The following FAM135B variants were observed in gnomAD, a reference collection of about 807,000 sequenced individuals.
The protein encoded by FAM135B is family with sequence similarity 135 member B.
FAM135B carries 43 observed loss-of-function variants against 127.7 expected under a neutral mutation model. The ratio of observed to expected loss-of-function variants is 0.34; its 90% CI spans 0.26 to 0.43. FAM135B has a LOEUF of 0.43. FAM135B is among the 20% of genes least tolerant of loss of function. The pLI is 1.00. For missense variants in FAM135B, 1,558 were observed against 1,725.6 expected, an observed-to-expected ratio of 0.90 and a Z score of 1.72; for synonymous variants, 670 against 665.1, an observed-to-expected ratio of 1.01 and a Z score of -0.11.
At chr8:138,231,111 C>T (rs868489320) in intron 7 of FAM135B, among the ~76,000 whole-genome samples, 3 of 152,042 alleles carry the variant, frequency 2.0e-5, no homozygotes, top group Admixed American at 6.6e-5. Flanking sequence ...CTCACTGCAA[C>T]GGGGTTCAAG....
At chr8:138,221,212 T>TG in intron 7 of FAM135B, among the ~76,000 whole-genome samples, 1 of 152,302 alleles carries the variant, frequency 6.6e-6, no homozygotes, top group East Asian at 1.9e-4. Context: ...CTTCTGTTTC[T>TG]GGGGAAGCCT....
rs1318134575 is a variant in FAM135B at position 138,130,605 on chromosome 8, C to CATGAA, written c.*1983_*1987dup. 6.6e-6 allele frequency: 1 copy of CATGAA among 152,232 alleles called. No individual in the cohort carries two copies. The highest frequency in any genetic ancestry group is 1.5e-5 in the Non-Finnish European group (1 of 68,058). The allele number at this position is 152,232 out of a possible 1,614,324, so 9.4% of individuals were successfully genotyped here. A position where few individuals can be genotyped will look rare whatever the true frequency, so the allele number is the denominator to read the frequency against. On this transcript the variant is annotated 3_prime_UTR_variant, in exon 20 of 20. Coordinates refer to ENST00000395297, the MANE Select transcript of FAM135B (RefSeq NM_015912.4). ...TTGCTGATGAAAATTGGAAACACAA[C>CATGAA]ATGAAATGCACTCATCAGAGGGACA...
chr8:138,191,502 G>A (rs1282981113), intron 9 of FAM135B, among the ~76,000 whole-genome samples: 3 of 152,198 alleles, frequency 2.0e-5, no homozygotes, highest in East Asian at 1.9e-4. Context: ...GAGCTTCTAG[G>A]TGCCAGGAGC....
intron 1 of FAM135B, among the ~76,000 whole-genome samples, chr8:138,457,256 C>T (rs1466106838): frequency 6.6e-6 from 1 of 152,038 alleles, no homozygotes; most frequent in Non-Finnish European, 1.5e-5. Context: ...TGGCACCAGG[C>T]ATCTCCAACA....
At chr8:138,373,129 G>T (rs1331192948) in intron 1 of FAM135B, among the ~76,000 whole-genome samples, 1 of 152,098 alleles carries the variant, frequency 6.6e-6, no homozygotes, top group African/African-American at 2.4e-5. Context: ...GTTCAGATTT[G>T]ATTTCTGCCA....
intron 1 of FAM135B, among the ~76,000 whole-genome samples, chr8:138,455,528 T>G (rs961683929): frequency 4.6e-5 from 7 of 152,222 alleles, no homozygotes; most frequent in African/African-American, 7.2e-5. Context: ...TTACCTAATC[T>G]GATCCTTACA....
intron 2 of FAM135B, among the ~76,000 whole-genome samples, chr8:138,325,382 T>C (rs756126838): frequency 2.0e-5 from 3 of 152,164 alleles, no homozygotes; most frequent in Admixed American, 2.0e-4. Flanking sequence ...ATCTTTGTTT[T>C]GAAGAGCCAG....
chr8:138,314,057 G>A (rs552305087), intron 2 of FAM135B, among the ~76,000 whole-genome samples: 2 of 152,246 alleles, frequency 1.3e-5, no homozygotes, highest in East Asian at 3.9e-4. Flanking sequence ...CTAAAGGGCT[G>A]TCTAGTGTTC....
intron 7 of FAM135B, among the ~76,000 whole-genome samples, chr8:138,222,285 G>C (rs1819081449): frequency 1.3e-5 from 2 of 152,278 alleles, no homozygotes; most frequent in Admixed American, 1.3e-4. Flanking sequence ...ATGACAGAAA[G>C]GGGGTTGAAT....
chr8:138,301,258 A>G (rs1004131319), intron 3 of FAM135B, among the ~76,000 whole-genome samples: 3 of 152,152 alleles, frequency 2.0e-5, no homozygotes, highest in African/African-American at 7.2e-5. Flanking sequence ...CATGAGGATA[A>G]CTCAAATGCC....
chr8:138,389,973 G>A (rs1274667639), intron 1 of FAM135B, among the ~76,000 whole-genome samples: 1 of 152,110 alleles, frequency 6.6e-6, no homozygotes, highest in Non-Finnish European at 1.5e-5. Context: ...TATCTGCTTT[G>A]CACTTAATCA....
chr8:138,327,330 T>C (rs534081998), intron 2 of FAM135B, among the ~76,000 whole-genome samples: 87 of 152,314 alleles, frequency 5.7e-4, no homozygotes, highest in African/African-American at 2.0e-3. Flanking sequence ...TCCTCCAATA[T>C]TCCTATGAGG....
intron 7 of FAM135B, among the ~76,000 whole-genome samples, chr8:138,207,157 C>T (rs556505134): frequency 1.8e-4 from 28 of 151,674 alleles, no homozygotes; most frequent in Non-Finnish European, 2.2e-4. Context: ...TGATCATCTT[C>T]TATTCTCAGC....
chr8:138,359,365 T>C (rs1054564694), intron 2 of FAM135B, among the ~76,000 whole-genome samples: 1 of 152,168 alleles, frequency 6.6e-6, no homozygotes, highest in African/African-American at 2.4e-5. Context: ...TGAAAAGTCA[T>C]GAGACTGGAA....
At chr8:138,201,735 G>T (rs1817135950) in intron 7 of FAM135B, among the ~76,000 whole-genome samples, 1 of 152,072 alleles carries the variant, frequency 6.6e-6, no homozygotes, top group Non-Finnish European at 1.5e-5. Context: ...AATAAAACGA[G>T]AATCAAGCAG....
chr8:138,205,800 T>A (rs993552358), intron 7 of FAM135B, among the ~76,000 whole-genome samples: 3 of 151,884 alleles, frequency 2.0e-5, no homozygotes, highest in Admixed American at 6.6e-5. Context: ...ACAGAGTGTA[T>A]CTGAGAATGA....
At chr8:138,173,149 G>A (rs765928639) in intron 11 of FAM135B, among the ~76,000 whole-genome samples, 20 of 152,136 alleles carry the variant, frequency 1.3e-4, no homozygotes, top group Non-Finnish European at 2.9e-5. Flanking sequence ...TATTCTGTGC[G>A]GCACATAGGG....
chr8:138,283,356 A>G (rs1824418217), intron 3 of FAM135B, among the ~76,000 whole-genome samples: 1 of 152,136 alleles, frequency 6.6e-6, no homozygotes. Flanking sequence ...AAGTCAATCT[A>G]AAGGGCTAAG....
At chr8:138,358,478 T>A (rs1389435780) in intron 2 of FAM135B, 1 of 152,110 alleles carries the variant, frequency 6.6e-6, no homozygotes, top group Non-Finnish European at 1.5e-5. Flanking sequence ...AGGGCTTGGG[T>A]CCTCTTGGCT....
Sources: gnomAD v4.1 joint callset for allele counts (sites outside exome capture counted in the v4.1 genomes callset) on GRCh38, gnomAD v4.1.1 for gene constraint, MANE v1.5 for transcripts, NCBI Gene and HGNC (gene_info 2026-07-23, HGNC 2026-07-21) for gene names.